Variants in CLIP3 observed in about 807,000 individuals in gnomAD.
The protein encoded by CLIP3 is CAP-Gly domain containing linker protein 3.
CLIP3 carries 15 observed loss-of-function variants against 59.4 expected under a neutral mutation model. That is an observed-to-expected ratio of 0.25 (90% confidence interval 0.17 to 0.39). The LOEUF is 0.39. CLIP3 is among the 10% of genes least tolerant of loss of function. The probability of loss-of-function intolerance (pLI) is 1.00; values close to 1 mark genes in which losing one functional copy is unlikely to be tolerated. For missense variants in CLIP3, 495 were observed against 765.7 expected, an observed-to-expected ratio of 0.65 and a Z score of 4.17; for synonymous variants, 300 against 321.6, an observed-to-expected ratio of 0.93 and a Z score of 0.72.
Position 36,015,470 on chromosome 19 carries a change from G to T in CLIP3, c.*688C>A, listed in dbSNP as rs941683418. 6.5e-6 allele frequency: 1 copy of T among 153,026 alleles called. No homozygotes were observed. The highest frequency in any genetic ancestry group is 2.4e-5 in the African/African-American group (1 of 41,440). The allele number at this position is 153,026 out of a possible 1,614,324, so 9.5% of individuals were successfully genotyped here. A position where few individuals can be genotyped will look rare whatever the true frequency, so the allele number is the denominator to read the frequency against. On this transcript the variant is annotated 3_prime_UTR_variant, in exon 14 of 14. Transcript: ENST00000360535. ...AAGGCACTGGGGGTTTCTTGAGGGT[G>T]CAGAGGGTAGGAAGACTTGGGGGGT...
chr19:36,024,887 G>A (rs1412510234), intron 6 of CLIP3, among the ~76,000 whole-genome samples: 2 of 152,138 alleles, frequency 1.3e-5, no homozygotes, highest in Admixed American at 1.3e-4. Flanking sequence ...CCAACATGGT[G>A]AAACCTCGTC....
rs10412081 is a variant in CLIP3, at chr19:36,022,282, G to C, written c.918+2114C>G. ...CTGGACTCTGTTCTAATGGCCTTACGCATTTTAATTAATTTAAACCTCAAC... is the reference window on the plus strand; with the variant it reads ...CTGGACTCTGTTCTAATGGCCTTACCCATTTTAATTAATTTAAACCTCAAC... On this transcript the variant is annotated intron_variant, in intron 7 of 13. Coordinates refer to ENST00000360535, the MANE Select transcript of CLIP3 (RefSeq NM_015526.3). Among the ~76,000 whole-genome samples the C allele has an allele frequency of 7.3e-3, 1,115 of 152,094 alleles. 14 individuals are homozygous for C. The highest frequency in any genetic ancestry group is 0.025 in the African/African-American group (1,043 of 41,450).
At position 36,031,219 on chromosome 19, in the gene CLIP3, T is replaced by C. The variant is rs570991329; in HGVS notation, c.166+973A>G. On this transcript the variant is annotated intron_variant, in intron 2 of 13. Coordinates refer to ENST00000360535, the MANE Select transcript of CLIP3 (RefSeq NM_015526.3). ...TTAGTAGAGATGGGGTTTCACCATG[T>C]TGGCCATGGCTGGTCTCAAACTCCT... is the stretch of plus-strand genomic sequence containing the variant. Among the ~76,000 whole-genome samples the C allele has an allele frequency of 2.6e-5, 4 of 152,130 alleles. No homozygotes were observed. The East Asian group carries it at 7.7e-4, about 29-fold the overall frequency.
At position 36,026,521 on chromosome 19, in the gene CLIP3, C is replaced by T; in HGVS notation, c.562+65G>A. The T allele has an allele frequency of 6.3e-7, 1 of 1,595,534 alleles. No homozygotes were observed. Among genetic ancestry groups the T allele is most frequent in the Non-Finnish European group, 8.6e-7 (1 of 1,168,534 alleles). On this transcript the variant is annotated intron_variant, in intron 5 of 13. Coordinates refer to ENST00000360535, the MANE Select transcript of CLIP3 (RefSeq NM_015526.3). This position sits in a 1 kb window ranked among gnomAD's most constrained non-coding sequence, Gnocchi z 6.3. ...CCTCCTTCCCCTCGCAGCCTGGCCT[C>T]ACCTGGGTCTCCGCGTCCCTCACCC...
chr19:36,024,551 C>T lies in CLIP3; in HGVS notation c.763G>A (p.Ala255Thr). Residue 255 changes from alanine (A) to threonine (T), a missense_variant, in exon 7 of 14, where the codon GCC becomes ACC. This residue lies in a region of CLIP3 where 194 missense variants were observed against 327.8 expected (regional missense o/e 0.59). Coordinates refer to ENST00000360535, the MANE Select transcript of CLIP3 (RefSeq NM_015526.3). ...TCCAGAAGCGTCCGCAGCTCCTTGG[C>T]CACCAGTGCCGCCTCTGCCTTGTCC... ...SLDKAEAALV[A>T]KELRTLLEEA... is the part of the protein sequence containing the mutation. 2 of 1,614,248 alleles carry T rather than the reference C, an allele frequency of 1.2e-6. No individual in the cohort carries two copies. Among genetic ancestry groups the T allele is most frequent in the Non-Finnish European group, 1.7e-6 (2 of 1,180,050 alleles).
intron 2 of CLIP3, among the ~76,000 whole-genome samples, chr19:36,029,350 GATC>G (rs1428623878): frequency 6.7e-6 from 1 of 149,590 alleles, no homozygotes; most frequent in Non-Finnish European, 1.5e-5. Flanking sequence ...GCAATAGTAT[GATC>G]ATAGCTCACT....
chr19:36,028,283 A>C (rs963446442), intron 2 of CLIP3, among the ~76,000 whole-genome samples: 2 of 152,188 alleles, frequency 1.3e-5, no homozygotes, highest in African/African-American at 4.8e-5. Context: ...GGCTGCAGTG[A>C]GCTGAGATGG....
chr19:36,030,928 C>T (rs1295136140), intron 2 of CLIP3, among the ~76,000 whole-genome samples: 1 of 152,046 alleles, frequency 6.6e-6, no homozygotes, highest in East Asian at 1.9e-4. Context: ...GCAGCCCTGA[C>T]TACCCCTGCA....
At chr19:36,018,800 G>A (rs902469026) in intron 9 of CLIP3, 98 bp downstream of exon 9, 7 of 1,476,760 alleles carry the variant, frequency 4.7e-6, no homozygotes, top group Non-Finnish European at 6.4e-6. Context: ...TTCCAAAACT[G>A]GAGTTTGGGC....
intron 7 of CLIP3, among the ~76,000 whole-genome samples, chr19:36,019,610 T>TTA (rs1555787373): frequency 1.3e-4 from 19 of 150,422 alleles, no homozygotes; most frequent in Admixed American, 2.6e-4. Context: ...TTTATTTATT[T>TTA]TTTTTTTTTT....
rs1259844019 is a variant in CLIP3 at position 36,032,089 on chromosome 19, A to G, written c.166+103T>C. 4.9e-6 allele frequency: 3 copies of G among 607,418 alleles called. No homozygotes were observed. Among genetic ancestry groups the G allele is most frequent in the Non-Finnish European group, 7.4e-6 (3 of 403,856 alleles). The allele number at this position is 607,418 out of a possible 1,614,324, so 37.6% of individuals were successfully genotyped here. A position where few individuals can be genotyped will look rare whatever the true frequency, so the allele number is the denominator to read the frequency against. ...CCAAGATTCCTCTGGACCACCTTCA[A>G]ATTCCCCAGAATTCTCCCACCATCA... On this transcript the variant is annotated intron_variant, in intron 2 of 13. Coordinates refer to ENST00000360535, the MANE Select transcript of CLIP3 (RefSeq NM_015526.3). This position sits in a 1 kb window ranked among gnomAD's most constrained non-coding sequence, Gnocchi z 4.3.
intron 9 of CLIP3, 80 bp from the exon 10 acceptor site, chr19:36,018,071 G>A: frequency 6.6e-7 from 1 of 1,515,070 alleles, no homozygotes; most frequent in Admixed American, 1.9e-5. Context: ...AAAACCCCAA[G>A]GTAGAAAACC....
rs759816668 is a variant in CLIP3, at chr19:36,017,790, G to A, written c.1328-12C>T. Reference sequence around the variant, plus strand: ...GCCATACCAGTAACCTGCAGCACGAGGGTGTCAGGATTTCTCAAGGCCCTG... The same window carrying A: ...GCCATACCAGTAACCTGCAGCACGAAGGTGTCAGGATTTCTCAAGGCCCTG... On this transcript the variant is annotated splice_polypyrimidine_tract_variant and intron_variant, in intron 10 of 13. Coordinates refer to ENST00000360535, the MANE Select transcript of CLIP3 (RefSeq NM_015526.3). The A allele has an allele frequency of 3.1e-6, 5 of 1,614,128 alleles. No homozygotes were observed. The highest frequency in any genetic ancestry group is 4.2e-6 in the Non-Finnish European group (5 of 1,180,032).
chr19:36,018,124 A>G (rs1310117544), intron 9 of CLIP3, 133 bp from the exon 10 acceptor site: 5 of 1,052,916 alleles, frequency 4.7e-6, no homozygotes, highest in Non-Finnish European at 6.9e-6. Flanking sequence ...GATGCCAGAG[A>G]ATTAGGAAGG....
At chr19:36,019,388 G>T in intron 7 of CLIP3, 82 bp from the exon 8 acceptor site, 1 of 1,527,600 alleles carries the variant, frequency 6.5e-7, no homozygotes, top group Non-Finnish European at 8.8e-7. Flanking sequence ...CAGCAAGGTG[G>T]GTTGCATGAG....
At chr19:36,019,571 G>T (rs1968897447) in intron 7 of CLIP3, among the ~76,000 whole-genome samples, 1 of 151,500 alleles carries the variant, frequency 6.6e-6, no homozygotes, top group Non-Finnish European at 1.5e-5. Context: ...TAGCCACATA[G>T]GACAATGTAA....
chr19:36,029,342 A>T (rs941140172), intron 2 of CLIP3, among the ~76,000 whole-genome samples: 1 of 150,722 alleles, frequency 6.6e-6, no homozygotes, highest in Admixed American at 6.6e-5. Context: ...GTTGGAATGC[A>T]ATAGTATGAT....
In CLIP3 at chr19:36,026,321, C is replaced by T; in HGVS notation, c.563-56G>A. On this transcript the variant is annotated intron_variant, in intron 5 of 13. Transcript: ENST00000360535. This position sits in a 1 kb window ranked among gnomAD's most constrained non-coding sequence, Gnocchi z 6.3. ...TGAGCGCCTGTGGGACCCCAGCCCT[C>T]CTCCCACCTCGGGGCTCATCTCTTA... 6.9e-7 allele frequency: 1 copy of T among 1,449,054 alleles called. No individual in the cohort carries two copies. Among genetic ancestry groups the T allele is most frequent in the Non-Finnish European group, 9.7e-7 (1 of 1,034,946 alleles). 89.8% of individuals were successfully genotyped at this position (1,449,054 alleles called of 1,614,324 possible). A position where few individuals can be genotyped will look rare whatever the true frequency, so the allele number is the denominator to read the frequency against.
chr19:36,017,372 A>T lies in CLIP3; in HGVS notation c.1516+14T>A, dbSNP rs1430280363. 6.2e-7 allele frequency: 1 copy of T among 1,613,236 alleles called. No individual in the cohort carries two copies. Among genetic ancestry groups the T allele is most frequent in the South Asian group, 1.1e-5 (1 of 91,070 alleles). On this transcript the variant is annotated intron_variant, in intron 12 of 13. Coordinates refer to ENST00000360535, the MANE Select transcript of CLIP3 (RefSeq NM_015526.3). ...AAACGTACACTCCTCCCAACATATCATCCCCTAACTCACTTGTCACTTGAT... is the reference window on the plus strand; with the variant it reads ...AAACGTACACTCCTCCCAACATATCTTCCCCTAACTCACTTGTCACTTGAT...
Sources: gnomAD v4.1 joint callset for allele counts (sites outside exome capture counted in the v4.1 genomes callset) on GRCh38, gnomAD v4.1.1 for gene constraint, gnomAD v4.1.1 regional missense constraint, Gnocchi (gnomAD v3.1) non-coding constraint, MANE v1.5 for transcripts, NCBI Gene and HGNC (gene_info 2026-07-23, HGNC 2026-07-21) for gene names.